CLASP2: variants seen among roughly 807,000 people sequenced by gnomAD.
CLASP2 encodes cytoplasmic linker associated protein 2.
CLASP2 carries 47 observed loss-of-function variants against 194.4 expected under a neutral mutation model. The observed-to-expected ratio is 0.24, with a 90% CI of 0.19 to 0.31. The LOEUF is 0.31. CLASP2 is among the 10% of genes least tolerant of loss of function. CLASP2 has a pLI of 1.00. For synonymous variants in CLASP2, 619 were observed against 633.5 expected, an observed-to-expected ratio of 0.98 and a Z score of 0.34; for missense variants, 1,445 against 1,823.6, an observed-to-expected ratio of 0.79 and a Z score of 3.78.
intron 7 of CLASP2, among the ~76,000 whole-genome samples, chr3:33,658,706 T>A (rs1181795523): frequency 6.6e-6 from 1 of 152,124 alleles, no homozygotes; most frequent in Non-Finnish European, 1.5e-5. Flanking sequence ...TCCCTTCATA[T>A]CTACCACCAA....
In CLASP2 at chr3:33,607,449, G is replaced by C. The variant is rs1157366949; in HGVS notation, c.1461C>G (p.Val487=). 2.5e-6 allele frequency: 4 copies of C among 1,607,404 alleles called. No homozygotes were observed. Among genetic ancestry groups the C allele is most frequent in the Non-Finnish European group, 2.5e-6 (3 of 1,177,040 alleles). The change falls in exon 15 of 39, where the codon GTC becomes GTG. Residue 487 remains valine, a synonymous_variant. Coordinates refer to ENST00000682230, the MANE Select transcript of CLASP2 (RefSeq NM_001365631.1). ...QTHSLERHAA[V]LVETIKKGIH... is the part of the protein sequence containing the mutation. ...TTCCCTTTTTAATAGTTTCAACCAA[G>C]ACGGCTGCATGTCTATAAAATAAAA... is the stretch of plus-strand genomic sequence containing the variant.
intron 7 of CLASP2, among the ~76,000 whole-genome samples, chr3:33,652,123 A>C (rs908997554): frequency 6.6e-6 from 1 of 152,236 alleles, no homozygotes; most frequent in African/African-American, 2.4e-5. Context: ...TCAGTGAAAC[A>C]AACAGTTCAG....
intron 11 of CLASP2, among the ~76,000 whole-genome samples, 172 bp downstream of exon 11, chr3:33,621,963 G>A (rs1421815473): frequency 1.3e-5 from 2 of 152,062 alleles, no homozygotes; most frequent in African/African-American, 4.8e-5. Context: ...ATAAAGAGCT[G>A]TTAAGGAATT....
At position 33,573,432 on chromosome 3, in the gene CLASP2, GGATT is replaced by G. The variant is rs752915203; in HGVS notation, c.2455-82_2455-79del. ...TTCATAATTTCTACTGACCACAAAA[GGATT>G]GATTTTTGTTTTAAAATCAGTGCAA... On this transcript the variant is annotated intron_variant, in intron 24 of 38. Coordinates refer to ENST00000682230, the MANE Select transcript of CLASP2 (RefSeq NM_001365631.1). 29 of 1,434,890 alleles carry G rather than the reference GGATT, an allele frequency of 2.0e-5. No individual in the cohort carries two copies. The East Asian group carries it at 2.5e-4, about 13-fold the overall frequency. 88.9% of individuals were successfully genotyped at this position (1,434,890 alleles called of 1,614,324 possible).
intron 35 of CLASP2, among the ~76,000 whole-genome samples, chr3:33,516,638 G>C (rs1575737714): frequency 6.6e-6 from 1 of 152,098 alleles, no homozygotes; most frequent in Non-Finnish European, 1.5e-5. Flanking sequence ...CTGCATTCCA[G>C]CCTGGGCTTG....
chr3:33,504,255 G>A (rs1038771634), intron 37 of CLASP2: 1 of 152,122 alleles, frequency 6.6e-6, no homozygotes, highest in African/African-American at 2.4e-5. Flanking sequence ...TGCCATAGAG[G>A]ATGAACTTAA....
chr3:33,522,555 AAAAT>A (rs751332525), intron 34 of CLASP2, among the ~76,000 whole-genome samples: 43 of 152,242 alleles, frequency 2.8e-4, no homozygotes, highest in African/African-American at 7.2e-4. Flanking sequence ...ACTCAGAGAA[AAAAT>A]AAATAAACAG....
chr3:33,555,012 A>G (rs566222227), intron 29 of CLASP2, among the ~76,000 whole-genome samples: 1 of 152,326 alleles, frequency 6.6e-6, no homozygotes, highest in African/African-American at 2.4e-5. Context: ...AGACCTGTAC[A>G]TCATGGTGAC....
chr3:33,681,753 G>A (rs1029790879), intron 6 of CLASP2, among the ~76,000 whole-genome samples: 3 of 152,180 alleles, frequency 2.0e-5, no homozygotes, highest in African/African-American at 7.2e-5. Flanking sequence ...TACTACTATG[G>A]TTTGAATTTG....
rs371088009 is a variant in CLASP2, at chr3:33,573,100, C to T, written c.2699+10G>A. 3.7e-5 allele frequency: 60 copies of T among 1,612,602 alleles called. No individual in the cohort carries two copies. Among genetic ancestry groups the T allele is most frequent in the South Asian group, 2.2e-5 (2 of 91,014 alleles). On this transcript the variant is annotated intron_variant, in intron 25 of 38. Coordinates refer to ENST00000682230, the MANE Select transcript of CLASP2 (RefSeq NM_001365631.1). ...TGATAGTAAAATCATTTTAAGACAA[C>T]GCATCTCACCTTAGTGTTCTCTGAT... is the stretch of plus-strand genomic sequence containing the variant.
At chr3:33,602,759 T>C (rs1242223236) in intron 18 of CLASP2, 193 bp downstream of exon 18, 3 of 692,508 alleles carry the variant, frequency 4.3e-6, no homozygotes, top group East Asian at 2.7e-5. Context: ...AAGACGATGA[T>C]GAGAACAAGG....
intron 7 of CLASP2, among the ~76,000 whole-genome samples, chr3:33,645,869 G>A (rs138416153): frequency 1.8e-3 from 267 of 148,768 alleles, no homozygotes; most frequent in Middle Eastern, 6.9e-3. Flanking sequence ...GGCTCCTTTC[G>A]GAATATGAAT....
chr3:33,706,487 T>A (rs1225027355), intron 1 of CLASP2, among the ~76,000 whole-genome samples: 1 of 152,118 alleles, frequency 6.6e-6, no homozygotes, highest in African/African-American at 2.4e-5. Flanking sequence ...CTCTATCTTG[T>A]CAATGGGACA....
chr3:33,557,803 A>C (rs1247715723), intron 29 of CLASP2, among the ~76,000 whole-genome samples: 1 of 152,196 alleles, frequency 6.6e-6, no homozygotes, highest in African/African-American at 2.4e-5. Context: ...CTAAGAAAAC[A>C]ACATTATATT....
chr3:33,621,007 GT>G (rs1179508551), intron 11 of CLASP2, among the ~76,000 whole-genome samples: 1 of 66,056 alleles, frequency 1.5e-5, no homozygotes, highest in Non-Finnish European at 3.6e-5. Context: ...TTGTGTGTGT[GT>G]GTGTGTGTGT....
At chr3:33,532,040 A>G (rs996587506) in intron 34 of CLASP2, among the ~76,000 whole-genome samples, 1 of 152,194 alleles carries the variant, frequency 6.6e-6, no homozygotes, top group Non-Finnish European at 1.5e-5. Flanking sequence ...ATCAAAATTG[A>G]AAACAGGGTA....
chr3:33,545,982 T>G (rs1200175087), intron 30 of CLASP2, among the ~76,000 whole-genome samples: 1 of 152,140 alleles, frequency 6.6e-6, no homozygotes, highest in Non-Finnish European at 1.5e-5. Flanking sequence ...GGGTATATAC[T>G]CTGGGTATCT....
rs149449504 is a variant in CLASP2 at position 33,707,382 on chromosome 3, T to C, written c.195+10426A>G. ...ATTAGTAAGTAAATGGAAAGAATCATAGCAATATACCTACCATTCTATATA... is the reference window on the plus strand; with the variant it reads ...ATTAGTAAGTAAATGGAAAGAATCACAGCAATATACCTACCATTCTATATA... On this transcript the variant is annotated intron_variant, in intron 1 of 38. Coordinates refer to ENST00000682230, the MANE Select transcript of CLASP2 (RefSeq NM_001365631.1). Among the ~76,000 whole-genome samples, 6 of 152,326 alleles carry C rather than the reference T, an allele frequency of 3.9e-5. No individual in the cohort carries two copies. The East Asian group carries it at 9.6e-4, about 24-fold the overall frequency.
intron 34 of CLASP2, among the ~76,000 whole-genome samples, chr3:33,517,573 G>A (rs2154102399): frequency 6.6e-6 from 1 of 152,266 alleles, no homozygotes; most frequent in African/African-American, 2.4e-5. Flanking sequence ...CATGCCAGGA[G>A]GCTTAAATGG....
Sources: allele counts gnomAD v4.1 joint callset (sites outside exome capture counted in the v4.1 genomes callset), GRCh38; gene constraint gnomAD v4.1.1; transcripts MANE v1.5; gene names NCBI Gene and HGNC (gene_info 2026-07-23, HGNC 2026-07-21).